The following SCARB1 variants were observed in gnomAD, a reference collection of about 807,000 sequenced individuals.
The protein encoded by SCARB1 is CD36 and LIMPII analogous 1.
SCARB1 carries 30 observed loss-of-function variants against 57.2 expected under a neutral mutation model. That is an observed-to-expected ratio of 0.52 (90% CI 0.39 to 0.71). The LOEUF is 0.71. SCARB1 is among the 30% of genes least tolerant of loss of function. The pLI is 0.00. For missense variants in SCARB1, 543 were observed against 671.2 expected, an observed-to-expected ratio of 0.81 and a Z score of 2.11; for synonymous variants, 249 against 268.3, an observed-to-expected ratio of 0.93 and a Z score of 0.70.
Position 124,778,559 on chromosome 12 carries a change from CTGGCT to C in SCARB1, c.*23_*27del, listed in dbSNP as rs781596142. The C allele has an allele frequency of 2.9e-6, 4 of 1,392,592 alleles. No homozygotes were observed. The African/African-American group carries it at 6.1e-5, about 21-fold the overall frequency. 86.3% of individuals were successfully genotyped at this position (1,392,592 alleles called of 1,614,324 possible). A position where few individuals can be genotyped will look rare whatever the true frequency, so the allele number is the denominator to read the frequency against. ...GGCCGGTCAGGCCCAGCGGCCAGGCCTGGCTGGCTCACGGTGTCCTCAGGACCCTG... is the reference window on the plus strand; with the variant it reads ...GGCCGGTCAGGCCCAGCGGCCAGGCCGGCTCACGGTGTCCTCAGGACCCTG... On this transcript the variant is annotated 3_prime_UTR_variant, in exon 13 of 13. Transcript: ENST00000261693.
rs374143634 is a variant in SCARB1 at position 124,807,751 on chromosome 12, C to T, written c.1009+10G>A. ...CCTCCCGCCATCCCAGCACAGGGGACGGCACGTACTGAACCTGCAGGTGCT... is the reference window on the plus strand; with the variant it reads ...CCTCCCGCCATCCCAGCACAGGGGATGGCACGTACTGAACCTGCAGGTGCT... On this transcript the variant is annotated intron_variant, in intron 7 of 12. Transcript: ENST00000261693. The surrounding 1 kb of genome is among the most constrained non-coding windows in gnomAD (Gnocchi z 5.3). 3.9e-5 allele frequency: 63 copies of T among 1,613,618 alleles called. No individual in the cohort carries two copies. Among genetic ancestry groups the T allele is most frequent in the Non-Finnish European group, 4.7e-5 (56 of 1,179,734 alleles).
At chr12:124,794,760 A>T (rs1342040800) in intron 9 of SCARB1, among the ~76,000 whole-genome samples, 1 of 152,074 alleles carries the variant, frequency 6.6e-6, no homozygotes, top group East Asian at 1.9e-4. Flanking sequence ...GTGAAACCCC[A>T]TCTCTACTAA....
At chr12:124,816,137 C>A (rs1950707623) in intron 2 of SCARB1, among the ~76,000 whole-genome samples, 1 of 152,218 alleles carries the variant, frequency 6.6e-6, no homozygotes, top group Non-Finnish European at 1.5e-5. Flanking sequence ...GTGCTCCCGA[C>A]CCTCCAGTCA....
At chr12:124,805,692 A>T (rs751948000) in intron 7 of SCARB1, among the ~76,000 whole-genome samples, 2 of 149,364 alleles carry the variant, frequency 1.3e-5, no homozygotes, top group Non-Finnish European at 3.0e-5. Flanking sequence ...CCACGTAGCT[A>T]GGACTACAGG....
rs1362546580 is a variant in SCARB1, at chr12:124,810,061, A to G, written c.842+113T>C. Reference sequence around the variant, plus strand: ...AGAATTCAAGCTGGTGCCAAGGGCTACTGAGTCAAATCCACGATGAGTCAA... The same window carrying G: ...AGAATTCAAGCTGGTGCCAAGGGCTGCTGAGTCAAATCCACGATGAGTCAA... On this transcript the variant is annotated intron_variant, in intron 6 of 12. Transcript: ENST00000261693. This position sits in a 1 kb window ranked among gnomAD's most constrained non-coding sequence, Gnocchi z 4.0. 2.8e-6 allele frequency: 2 copies of G among 725,568 alleles called. No individual in the cohort carries two copies. The highest frequency in any genetic ancestry group is 4.9e-6 in the Non-Finnish European group (2 of 405,930). The allele number at this position is 725,568 out of a possible 1,614,324, so 44.9% of individuals were successfully genotyped here.
chr12:124,821,494 T>C, intron 1 of SCARB1: 1 of 985,092 alleles, frequency 1.0e-6, no homozygotes, highest in Non-Finnish European at 1.2e-6. Flanking sequence ...TCTCTCTCTC[T>C]CTCTCCCCAA....
At chr12:124,861,572 G>A (rs189473755) in intron 1 of SCARB1, among the ~76,000 whole-genome samples, 27 of 152,304 alleles carry the variant, frequency 1.8e-4, no homozygotes, top group Middle Eastern at 3.4e-3. Context: ...CTGCTTATGC[G>A]TGTGTCTCAC....
chr12:124,819,462 T>C (rs1351917284), intron 1 of SCARB1, among the ~76,000 whole-genome samples: 1 of 152,246 alleles, frequency 6.6e-6, no homozygotes, highest in African/African-American at 2.4e-5. Flanking sequence ...GAAACACGCC[T>C]GGGGTCCACT....
chr12:124,861,323 G>A (rs1260395556), intron 1 of SCARB1, among the ~76,000 whole-genome samples: 1 of 152,130 alleles, frequency 6.6e-6, no homozygotes, highest in African/African-American at 2.4e-5. Flanking sequence ...TTGTTATACA[G>A]TATTGTTTTT....
intron 1 of SCARB1, among the ~76,000 whole-genome samples, chr12:124,820,786 C>T (rs1950925024): frequency 6.6e-6 from 1 of 152,164 alleles, no homozygotes; most frequent in African/African-American, 2.4e-5. Context: ...CCACAGAAAA[C>T]AGTGGGGGGC....
chr12:124,824,175 CAAAA>C (rs35297518), intron 1 of SCARB1, among the ~76,000 whole-genome samples: 1 of 108,446 alleles, frequency 9.2e-6, no homozygotes. Context: ...GATTTCATCT[CAAAA>C]AAAAAAAAAA....
intron 1 of SCARB1, among the ~76,000 whole-genome samples, chr12:124,860,109 T>C (rs1265133272): frequency 1.3e-5 from 2 of 152,076 alleles, no homozygotes; most frequent in East Asian, 3.9e-4. Flanking sequence ...CACCACCATG[T>C]CCAGCTAGTT....
chr12:124,859,909 T>C (rs1952820115), intron 1 of SCARB1, among the ~76,000 whole-genome samples: 1 of 152,126 alleles, frequency 6.6e-6, no homozygotes, highest in Non-Finnish European at 1.5e-5. Flanking sequence ...AATGTGTTTT[T>C]ATGGCCTACC....
At chr12:124,858,536 A>G (rs1952732594) in intron 1 of SCARB1, among the ~76,000 whole-genome samples, 1 of 152,090 alleles carries the variant, frequency 6.6e-6, no homozygotes, top group Non-Finnish European at 1.5e-5. Context: ...TCATCTGGCC[A>G]GTCTTTGAGG....
In SCARB1 at chr12:124,811,726, A is replaced by G. The variant is rs140613481; in HGVS notation, c.726+144T>C. On this transcript the variant is annotated intron_variant, in intron 5 of 12. Transcript: ENST00000261693. ...AACCAGAGGTAAAATCCCTCCTCCA[A>G]CTTCAAGAGTGTTCATCCTCCCAGC... 248 of 666,134 alleles carry G rather than the reference A, an allele frequency of 3.7e-4. 1 individual carries two copies. The African/African-American group carries it at 3.8e-3, about 10-fold the overall frequency. 41.3% of individuals were successfully genotyped at this position (666,134 alleles called of 1,614,324 possible). A position where few individuals can be genotyped will look rare whatever the true frequency, so the allele number is the denominator to read the frequency against.
chr12:124,816,547 T>A (rs1327372832), intron 2 of SCARB1, among the ~76,000 whole-genome samples: 4 of 152,164 alleles, frequency 2.6e-5, no homozygotes, highest in Non-Finnish European at 5.9e-5. Flanking sequence ...TGCTGGGTTT[T>A]CATCTTGGCT....
chr12:124,817,134 A>ATGTGTATGTACGTGTGTATGTATGTATG lies in SCARB1; in HGVS notation c.284+415_284+416insCATACATACATACACACGTACATACACA, dbSNP rs1950764901. 2.6e-5 allele frequency among the ~76,000 whole-genome samples: 1 copy of ATGTGTATGTACGTGTGTATGTATGTATG among 39,138 alleles called. No homozygotes were observed. Among genetic ancestry groups the ATGTGTATGTACGTGTGTATGTATGTATG allele is most frequent in the Non-Finnish European group, 8.9e-5 (1 of 11,294 alleles). The allele number at this position is 39,138 out of a possible 152,430, so 25.7% of individuals were successfully genotyped here. ...TACGTGTGTATGTATGTATGTGTGT[A>ATGTGTATGTACGTGTGTATGTATGTATG]TGTGTATGTGTATGTGTGTGTATGT... On this transcript the variant is annotated intron_variant, in intron 2 of 12. Coordinates refer to ENST00000261693, the MANE Select transcript of SCARB1 (RefSeq NM_005505.5). The surrounding 1 kb of genome is among the most constrained non-coding windows in gnomAD (Gnocchi z 4.8).
chr12:124,790,710 CCA>C (rs947885224), intron 9 of SCARB1, among the ~76,000 whole-genome samples: 11 of 152,342 alleles, frequency 7.2e-5, no homozygotes, highest in Admixed American at 7.2e-4. Flanking sequence ...ACAGACCCCC[CCA>C]CAACAGGTGT....
At position 124,817,471 on chromosome 12, in the gene SCARB1, C is replaced by T; in HGVS notation, c.284+79G>A. On this transcript the variant is annotated intron_variant, in intron 2 of 12. Transcript: ENST00000261693. This position sits in a 1 kb window ranked among gnomAD's most constrained non-coding sequence, Gnocchi z 4.8. ...ATCTCTGGGGCTCAGTCAGCAGCCTCCCCATCCCGTCCACTCTGAGACCCC... is the reference window on the plus strand; with the variant it reads ...ATCTCTGGGGCTCAGTCAGCAGCCTTCCCATCCCGTCCACTCTGAGACCCC... The T allele has an allele frequency of 1.4e-6, 2 of 1,440,980 alleles. No homozygotes were observed. The highest frequency in any genetic ancestry group is 1.2e-5 in the South Asian group (1 of 85,834). 89.3% of individuals were successfully genotyped at this position (1,440,980 alleles called of 1,614,324 possible). A position where few individuals can be genotyped will look rare whatever the true frequency, so the allele number is the denominator to read the frequency against.
Sources: allele counts gnomAD v4.1 joint callset (sites outside exome capture counted in the v4.1 genomes callset), GRCh38; gene constraint gnomAD v4.1.1; non-coding constraint Gnocchi (gnomAD v3.1); transcripts MANE v1.5; gene names NCBI Gene and HGNC (gene_info 2026-07-23, HGNC 2026-07-21).